The following ATP7A variants were observed in gnomAD, a reference collection of about 807,000 sequenced individuals.
ATP7A encodes copper-transporting ATPase 1.
In ATP7A, 7 loss-of-function variants were observed where a neutral mutation model predicts 83.5. The observed-to-expected ratio is 0.08, with a 90% CI of 0.05 to 0.16. The LOEUF is 0.16. Ranked by LOEUF, ATP7A falls within the 10% of genes least tolerant of loss-of-function variation. The pLI is 1.00. For missense variants in ATP7A, 940 were observed against 1,120.8 expected (o/e 0.84, Z 2.30); for synonymous variants, 354 against 395.2 (o/e 0.90, Z 1.24).
chrX:77,989,303 G>T lies in ATP7A; in HGVS notation c.681G>T (p.Lys227Asn). 1 of 1,211,140 alleles carries T rather than the reference G, an allele frequency of 8.3e-7. No individual in the cohort carries two copies. Among genetic ancestry groups the T allele is most frequent in the Non-Finnish European group, 1.1e-6 (1 of 895,222 alleles). ...TTATCTCAGTAGAGGAAATGAAAAA[G>T]CAGATTGAAGCTATGGGCTTTCCAG... Reference protein sequence around the residue: ...PHLISVEEMKKQIEAMGFPAF... With the variant: ...PHLISVEEMKNQIEAMGFPAF... Residue 227 changes from lysine (K) to asparagine (N), a missense_variant, in exon 4 of 23, where the codon AAG (lysine) becomes AAT (asparagine). Transcript: ENST00000341514.
At chrX:78,041,624 G>A (rs1467469802) in intron 19 of ATP7A, among the ~76,000 whole-genome samples, 2 of 110,837 alleles carry the variant, frequency 1.8e-5, no homozygotes, top group Non-Finnish European at 3.8e-5. Flanking sequence ...AAGTAAAAAT[G>A]TCCTCTTTTC....
At chrX:77,926,238 G>T (rs782790824) in intron 1 of ATP7A, among the ~76,000 whole-genome samples, 1 of 111,779 alleles carries the variant, frequency 8.9e-6, no homozygotes, top group Non-Finnish European at 1.9e-5. Context: ...TCCTACAAAG[G>T]CATCCTTGAA....
At chrX:78,034,066 T>A (rs1265520504) in intron 17 of ATP7A, among the ~76,000 whole-genome samples, 1 of 112,581 alleles carries the variant, frequency 8.9e-6, no homozygotes, top group African/African-American at 3.2e-5. Flanking sequence ...CTTTTGTCAC[T>A]ACAACTACTC....
At chrX:77,964,646 T>G (rs1388943032) in intron 1 of ATP7A, 3 of 108,991 alleles carry the variant, frequency 2.8e-5, no homozygotes, top group African/African-American at 1.0e-4. Flanking sequence ...CAAATCCCAC[T>G]TACGAGTGAG....
At chrX:77,912,793 T>A (rs2077167696) in intron 1 of ATP7A, among the ~76,000 whole-genome samples, 1 of 112,136 alleles carries the variant, frequency 8.9e-6, no homozygotes, top group African/African-American at 3.2e-5. Context: ...CTGCTTTTCC[T>A]TTTTTCCTCT....
intron 1 of ATP7A, among the ~76,000 whole-genome samples, chrX:77,946,226 C>G (rs189199448): frequency 9.4e-6 from 1 of 106,901 alleles, no homozygotes; most frequent in Non-Finnish European, 1.9e-5. Context: ...CACTTGAACC[C>G]GGGAGGCAGA....
At position 78,021,033 on chromosome X, in the gene ATP7A, T is replaced by A. The variant is rs781922067; in HGVS notation, c.2870T>A (p.Ile957Asn). The change falls in exon 14 of 23, where the codon ATT (isoleucine) becomes AAT (asparagine). Residue 957 changes from isoleucine to asparagine, a missense_variant. This residue lies in a region of ATP7A where 386 missense variants were observed against 502.2 expected (regional missense o/e 0.77). Transcript: ENST00000341514. Reference protein sequence around the residue: ...FVSIATLLVWIVIGFLNFEIV... With the variant: ...FVSIATLLVWNVIGFLNFEIV... ...TCCATTGCCACCCTCTTGGTATGGA[T>A]TGTAATTGGATTTCTGAATTTTGAA... 1.7e-6 allele frequency: 2 copies of A among 1,207,446 alleles called. No individual in the cohort carries two copies. Among genetic ancestry groups the A allele is most frequent in the Admixed American group, 2.2e-5 (1 of 45,963 alleles).
At chrX:77,936,667 G>A (rs1315042217) in intron 1 of ATP7A, among the ~76,000 whole-genome samples, 4 of 112,306 alleles carry the variant, frequency 3.6e-5, no homozygotes, top group African/African-American at 1.3e-4. Context: ...TGAAAGAAAT[G>A]TGATTAGAAA....
chrX:78,011,859 C>T (rs2077829022), intron 9 of ATP7A, 185 bp downstream of exon 9: 1 of 508,225 alleles, frequency 2.0e-6, no homozygotes, highest in Admixed American at 2.8e-5. Context: ...CCATTTAACC[C>T]CTAAGAAAGA....
At chrX:77,951,286 A>G (rs1330736512) in intron 1 of ATP7A, among the ~76,000 whole-genome samples, 2 of 110,809 alleles carry the variant, frequency 1.8e-5, no homozygotes, top group South Asian at 3.7e-4. Context: ...TCCCCACCCA[A>G]TGTTTTGTTG....
intron 1 of ATP7A, among the ~76,000 whole-genome samples, chrX:77,921,889 G>A (rs184410704): frequency 5.3e-4 from 59 of 111,316 alleles, no homozygotes; most frequent in African/African-American, 1.9e-3. Flanking sequence ...CTGGGCAACA[G>A]AGCTAGATTC....
intron 2 of ATP7A, among the ~76,000 whole-genome samples, chrX:77,983,763 C>T (rs1191597729): frequency 9.1e-6 from 1 of 110,174 alleles, no homozygotes; most frequent in African/African-American, 3.3e-5. Flanking sequence ...TGCAGTGGCA[C>T]GACCTCCGCC....
At chrX:77,991,576 G>A (rs1442972024) in intron 4 of ATP7A, among the ~76,000 whole-genome samples, 14 of 111,113 alleles carry the variant, frequency 1.3e-4, no homozygotes, top group African/African-American at 4.6e-4. Flanking sequence ...TATTTCTCCT[G>A]GGTATATATC....
intron 1 of ATP7A, among the ~76,000 whole-genome samples, chrX:77,940,590 A>T (rs2077346185): frequency 9.0e-6 from 1 of 111,712 alleles, no homozygotes; most frequent in Admixed American, 9.6e-5. Flanking sequence ...CACCAAAGGC[A>T]TGGTACTTAA....
Position 78,029,354 on chromosome X carries a change from C to T in ATP7A, c.3021C>T (p.Ala1007=). The change falls in exon 15 of 23, where the codon GCC becomes GCT. Residue 1007 remains alanine (A), a synonymous_variant. Transcript: ENST00000341514. ...CATGTCCCTGTTCACTGGGACTGGC[C>T]ACTCCAACTGCTGTGATGGTGGGTA... ...CIACPCSLGL[A]TPTAVMVGTG... is the part of the protein sequence containing the mutation. The T allele has an allele frequency of 5.0e-6, 6 of 1,211,167 alleles. No individual in the cohort carries two copies. Among genetic ancestry groups the T allele is most frequent in the Non-Finnish European group, 5.6e-6 (5 of 895,040 alleles).
Position 78,014,478 on chromosome X carries a change from G to T in ATP7A, c.2407-184G>T, listed in dbSNP as rs5959964. On this transcript the variant is annotated intron_variant, in intron 10 of 22. Coordinates refer to ENST00000341514, the MANE Select transcript of ATP7A (RefSeq NM_000052.7). ...TCTTTCTGAAGTGAAACATTTTCTA[G>T]TGAAACATTTTGAAGTGAAACATTC... Among the ~76,000 whole-genome samples, 29,205 of 110,528 alleles carry T rather than the reference G, an allele frequency of 0.26. 3,028 individuals carry two copies. Among genetic ancestry groups the T allele is most frequent in the African/African-American group, 0.38 (11,427 of 30,406 alleles).
chrX:78,017,765 C>CTTTTTTTTTTTTTTTTT (rs1176316040), intron 12 of ATP7A, among the ~76,000 whole-genome samples: 5 of 45,843 alleles, frequency 1.1e-4, no homozygotes, highest in Non-Finnish European at 1.9e-4. Context: ...TTTCTTGTTT[C>CTTTTTTTTTTTTTTTTT]TTTTTTTTTT....
At chrX:77,974,380 G>A (rs1463615442) in intron 2 of ATP7A, among the ~76,000 whole-genome samples, 1 of 111,275 alleles carries the variant, frequency 9.0e-6, no homozygotes, top group Non-Finnish European at 1.9e-5. Flanking sequence ...CAGACCTTGA[G>A]TGATCCGTCC....
intron 7 of ATP7A, among the ~76,000 whole-genome samples, chrX:78,009,838 A>T (rs1314962008): frequency 3.6e-5 from 4 of 112,161 alleles, no homozygotes; most frequent in African/African-American, 1.3e-4. Flanking sequence ...CCACGCACCC[A>T]TAGTATTAAT....
Sources: gnomAD v4.1 joint callset for allele counts (sites outside exome capture counted in the v4.1 genomes callset) on GRCh38, gnomAD v4.1.1 for gene constraint, gnomAD v4.1.1 regional missense constraint, MANE v1.5 for transcripts, NCBI Gene and HGNC (gene_info 2026-07-23, HGNC 2026-07-21) for gene names.